The following EYS variants were observed in gnomAD, a reference collection of about 807,000 sequenced individuals.
EYS encodes protein eyes shut homolog.
EYS carries 250 observed loss-of-function variants against 282.1 expected under a neutral mutation model. The observed-to-expected ratio is 0.89, with a 90% confidence interval of 0.80 to 0.98. The LOEUF is 0.98. Among genes scored for constraint, EYS ranks in the 50% least tolerant of loss-of-function variants. The pLI, the probability that EYS is intolerant of heterozygous loss-of-function variation, is 0.00. For synonymous variants in EYS, 1,355 were observed against 1,282.9 expected (o/e 1.06, Z -1.20); for missense variants, 4,016 against 3,709.0 (o/e 1.08, Z -2.15).
chr6:64,635,896 T>A (rs1037738162), intron 22 of EYS, among the ~76,000 whole-genome samples: 1 of 152,202 alleles, frequency 6.6e-6, no homozygotes, highest in Non-Finnish European at 1.5e-5. Context: ...TCAGAAGGAA[T>A]GGTACCAGCT....
At chr6:64,642,221 G>A (rs1334152004) in intron 22 of EYS, among the ~76,000 whole-genome samples, 2 of 152,122 alleles carry the variant, frequency 1.3e-5, no homozygotes, top group African/African-American at 4.8e-5. Context: ...GTTACTTAAA[G>A]TTAAAAGCAT....
chr6:65,605,032 C>T (rs1182832391), intron 2 of EYS, among the ~76,000 whole-genome samples: 5 of 138,506 alleles, frequency 3.6e-5, no homozygotes, highest in East Asian at 2.1e-4. Flanking sequence ...TTTGTAGAGA[C>T]GGGGGTCTCA....
At chr6:64,082,784 T>C (rs1435459674) in intron 31 of EYS, among the ~76,000 whole-genome samples, 2 of 152,164 alleles carry the variant, frequency 1.3e-5, no homozygotes, top group African/African-American at 4.8e-5. Context: ...ATTTAAAACA[T>C]TTCATTGTTA....
intron 7 of EYS, among the ~76,000 whole-genome samples, chr6:65,387,661 A>G (rs1187873910): frequency 6.6e-6 from 1 of 151,950 alleles, no homozygotes; most frequent in African/African-American, 2.4e-5. Flanking sequence ...CAAATTCTAT[A>G]CTATTCTAGT....
chr6:65,384,559 T>C (rs900639526), intron 7 of EYS, 59 bp from the exon 8 acceptor site: 1 of 832,976 alleles, frequency 1.2e-6, no homozygotes, highest in Non-Finnish European at 2.0e-6. Context: ...CAGAAAAGCC[T>C]ATTAACATTA....
intron 12 of EYS, among the ~76,000 whole-genome samples, chr6:65,200,588 A>C (rs149470071): frequency 3.3e-5 from 5 of 151,796 alleles, no homozygotes; most frequent in African/African-American, 1.2e-4. Context: ...GTGATTTTTA[A>C]AAAGAAAGCT....
At chr6:64,922,246 T>C (rs2150082294) in intron 15 of EYS, among the ~76,000 whole-genome samples, 1 of 152,346 alleles carries the variant, frequency 6.6e-6, no homozygotes, top group South Asian at 2.1e-4. Context: ...AATATTTTCC[T>C]CTGAGCCAGG....
chr6:64,371,605 A>T (rs1325775172), intron 29 of EYS, among the ~76,000 whole-genome samples: 1 of 152,018 alleles, frequency 6.6e-6, no homozygotes, highest in Non-Finnish European at 1.5e-5. Context: ...AATACTGTCA[A>T]TGGGGTGTTC....
intron 12 of EYS, among the ~76,000 whole-genome samples, chr6:65,137,990 TAAA>T (rs1021227421): frequency 1.3e-5 from 2 of 151,868 alleles, no homozygotes; most frequent in Non-Finnish European, 2.9e-5. Context: ...AATGCCTAAA[TAAA>T]AAAAGAACAA....
chr6:64,780,163 A>T (rs754743656), intron 22 of EYS, among the ~76,000 whole-genome samples: 1 of 152,226 alleles, frequency 6.6e-6, no homozygotes, highest in African/African-American at 2.4e-5. Flanking sequence ...GAAAAATGAC[A>T]TATGTAAATG....
chr6:65,546,550 T>G, intron 2 of EYS, among the ~76,000 whole-genome samples: 1 of 147,498 alleles, frequency 6.8e-6, no homozygotes, highest in Admixed American at 6.9e-5. Context: ...TTGTATTTTT[T>G]TATTTTTTTA....
chr6:65,019,423 A>T (rs1249797983), intron 13 of EYS, among the ~76,000 whole-genome samples: 2 of 152,160 alleles, frequency 1.3e-5, no homozygotes, highest in African/African-American at 4.8e-5. Flanking sequence ...CAACATTCCA[A>T]AGAGCTTGGA....
intron 22 of EYS, chr6:64,631,156 A>G (rs1190181005): frequency 2.0e-5 from 3 of 152,226 alleles, no homozygotes; most frequent in Non-Finnish European, 4.4e-5. Flanking sequence ...AACTAAAAAT[A>G]TAACAATGAA....
chr6:64,987,084 T>C (rs1174905574), intron 14 of EYS, among the ~76,000 whole-genome samples: 1 of 151,510 alleles, frequency 6.6e-6, no homozygotes, highest in Non-Finnish European at 1.5e-5. Flanking sequence ...TATGTTTTAT[T>C]ATCAATATAT....
intron 31 of EYS, among the ~76,000 whole-genome samples, chr6:64,122,356 T>C (rs1273984518): frequency 1.3e-5 from 2 of 152,156 alleles, no homozygotes; most frequent in Non-Finnish European, 2.9e-5. Context: ...TATGAATTAG[T>C]AGAGTAACTC....
At chr6:64,491,469 C>T (rs1374465246) in intron 26 of EYS, among the ~76,000 whole-genome samples, 1 of 150,804 alleles carries the variant, frequency 6.6e-6, no homozygotes, top group African/African-American at 2.4e-5. Flanking sequence ...TTTTACTGAA[C>T]CCAGAGAATA....
intron 4 of EYS, among the ~76,000 whole-genome samples, chr6:65,493,589 C>G (rs575666555): frequency 4.1e-4 from 63 of 152,172 alleles, no homozygotes; most frequent in Admixed American, 6.5e-4. Flanking sequence ...CACTTTCCTC[C>G]GATGACCCCA....
intron 35 of EYS, among the ~76,000 whole-genome samples, chr6:63,949,564 AT>A (rs1765505024): frequency 6.6e-6 from 1 of 152,096 alleles, no homozygotes; most frequent in Non-Finnish European, 1.5e-5. Context: ...TCATTTATTC[AT>A]TCATTCAATA....
intron 29 of EYS, among the ~76,000 whole-genome samples, chr6:64,352,827 G>C (rs1771687671): frequency 6.6e-6 from 1 of 151,414 alleles, no homozygotes; most frequent in Non-Finnish European, 1.5e-5. Flanking sequence ...TGTTAATTTT[G>C]TAATTTTCTC....
Sources: allele counts gnomAD v4.1 joint callset (sites outside exome capture counted in the v4.1 genomes callset), GRCh38; gene constraint gnomAD v4.1.1; transcripts MANE v1.5; gene names NCBI Gene and HGNC (gene_info 2026-07-23, HGNC 2026-07-21).